Variants in CADM2 observed in about 807,000 individuals in gnomAD.
CADM2 encodes the protein cell adhesion molecule 2.
Under a neutral mutation model 49.8 loss-of-function variants are expected in CADM2, and 12 were observed. The ratio of observed to expected loss-of-function variants is 0.24; its 90% CI spans 0.15 to 0.39. The LOEUF (loss-of-function observed/expected upper bound fraction) is 0.39, where lower values mean the gene tolerates loss of function less well. Ranked by LOEUF, CADM2 falls within the 10% of genes least tolerant of loss-of-function variation. The pLI, the probability that CADM2 is intolerant of heterozygous loss-of-function variation, is 1.00. For missense variants in CADM2, 378 were observed against 492.3 expected (o/e 0.77, Z 2.20); for synonymous variants, 214 against 175.4 (o/e 1.22, Z -1.74).
intron 1 of CADM2, among the ~76,000 whole-genome samples, chr3:85,170,459 C>A (rs920839962): frequency 6.6e-6 from 1 of 151,766 alleles, no homozygotes; most frequent in African/African-American, 2.4e-5. Context: ...CTGCCTCAAT[C>A]TCCTGAGTAG....
At chr3:85,651,978 C>T (rs866832147) in intron 1 of CADM2, among the ~76,000 whole-genome samples, 155 of 36,272 alleles carry the variant, frequency 4.3e-3, no homozygotes, top group Middle Eastern at 0.029. Context: ...CCACCACGCC[C>T]GGCTACTTTT....
chr3:85,376,594 G>A (rs1224195127), intron 1 of CADM2, among the ~76,000 whole-genome samples: 4 of 152,018 alleles, frequency 2.6e-5, no homozygotes, highest in Non-Finnish European at 2.9e-5. Context: ...ATAAGCATGT[G>A]TATTCTGAAA....
rs143612234 is a variant in CADM2, at chr3:85,329,719, G to A, written c.61+370051G>A. The stretch of plus-strand genomic sequence containing the variant: ...AATATGATATGCTGAAGTATAATTC[G>A]TTATTTTAAACATATATAACATATG... On this transcript the variant is annotated intron_variant, in intron 1 of 9. Transcript: ENST00000383699. 4.1e-4 allele frequency among the ~76,000 whole-genome samples: 62 copies of A among 152,032 alleles called. No individual in the cohort carries two copies. In the East Asian group the frequency reaches 6.2e-3, roughly 15 times the overall value.
At chr3:85,428,601 T>C (rs1185565958) in intron 1 of CADM2, among the ~76,000 whole-genome samples, 1 of 145,796 alleles carries the variant, frequency 6.9e-6, no homozygotes, top group East Asian at 2.0e-4. Context: ...ATAATATTTA[T>C]TATATAAAAT....
Position 85,699,999 on chromosome 3 carries a change from G to T in CADM2, c.62-26523G>T, listed in dbSNP as rs532065411. ...CCCATTACTGGCTATATACCCAAAG[G>T]ATTATAAATCAATCTACTATAAAGA... On this transcript the variant is annotated intron_variant, in intron 1 of 9. Transcript: ENST00000383699. 5.9e-5 allele frequency among the ~76,000 whole-genome samples: 9 copies of T among 152,188 alleles called. No individual in the cohort carries two copies. The South Asian group carries it at 1.9e-3, about 32-fold the overall frequency.
intron 1 of CADM2, among the ~76,000 whole-genome samples, chr3:85,685,781 C>G (rs1023857760): frequency 6.6e-6 from 1 of 151,800 alleles, no homozygotes; most frequent in Non-Finnish European, 1.5e-5. Context: ...CGTGCCACCA[C>G]GCCTGGCTAA....
chr3:85,805,076 G>A (rs2072320197), intron 3 of CADM2, among the ~76,000 whole-genome samples: 1 of 152,038 alleles, frequency 6.6e-6, no homozygotes, highest in Non-Finnish European at 1.5e-5. Flanking sequence ...GATTAGCTGG[G>A]AGTACAGGCA....
intron 3 of CADM2, among the ~76,000 whole-genome samples, chr3:85,833,261 A>G (rs1577429215): frequency 6.6e-6 from 1 of 150,602 alleles, no homozygotes; most frequent in East Asian, 2.0e-4. Flanking sequence ...CATCAGGGAT[A>G]TTAGCCTGCA....
intron 1 of CADM2, among the ~76,000 whole-genome samples, chr3:85,544,034 A>G (rs922004759): frequency 6.6e-6 from 1 of 152,230 alleles, no homozygotes; most frequent in African/African-American, 2.4e-5. Context: ...ATTAGAAAGC[A>G]ACTGTAACAT....
chr3:85,701,923 GA>G (rs2066775786), intron 1 of CADM2, among the ~76,000 whole-genome samples: 1 of 150,016 alleles, frequency 6.7e-6, no homozygotes. Flanking sequence ...AAAGAAAAAG[GA>G]AGAAAGAAAA....
At chr3:85,068,784 T>C (rs2036614515) in intron 1 of CADM2, among the ~76,000 whole-genome samples, 1 of 152,024 alleles carries the variant, frequency 6.6e-6, no homozygotes, top group Non-Finnish European at 1.5e-5. Flanking sequence ...TTATTTAATT[T>C]TTTTTTTGCT....
rs1553668835 is a variant in CADM2 at position 85,013,154 on chromosome 3, A to AAAAC, written c.61+53489_61+53490insCAAA. Among the ~76,000 whole-genome samples the AAAAC allele has an allele frequency of 3.4e-3, 521 of 151,906 alleles. 5 individuals are homozygous for AAAAC. The highest frequency in any genetic ancestry group is 0.012 in the African/African-American group (490 of 41,488). The stretch of plus-strand genomic sequence containing the variant: ...TTGCACTGGAAATTAAAAAAAAAAA[A>AAAAC]AAAATACCAAATTATGGAGAAGGAA... On this transcript the variant is annotated intron_variant, in intron 1 of 9. Coordinates refer to ENST00000383699, the MANE Select transcript of CADM2 (RefSeq NM_001167675.2).
chr3:85,458,799 A>G (rs1202102212), intron 1 of CADM2, among the ~76,000 whole-genome samples: 1 of 152,168 alleles, frequency 6.6e-6, no homozygotes, highest in African/African-American at 2.4e-5. Context: ...AAAATCAAAG[A>G]AACTTTCACT....
intron 7 of CADM2, among the ~76,000 whole-genome samples, chr3:85,943,689 AC>A (rs1722267291): frequency 6.6e-6 from 1 of 151,898 alleles, no homozygotes; most frequent in Non-Finnish European, 1.5e-5. Context: ...TGGTACTGGT[AC>A]CAAAACAGAG....
At chr3:85,603,014 C>T (rs1480712124) in intron 1 of CADM2, among the ~76,000 whole-genome samples, 2 of 151,770 alleles carry the variant, frequency 1.3e-5, no homozygotes, top group Non-Finnish European at 2.9e-5. Flanking sequence ...CCTATGTACA[C>T]CAGGTTATAG....
intron 1 of CADM2, among the ~76,000 whole-genome samples, chr3:85,354,643 A>AGAGAGAGAGAGAGAG (rs71108278): frequency 1.5e-4 from 22 of 149,204 alleles, no homozygotes; most frequent in South Asian, 1.1e-3. Flanking sequence ...AGAGAGAGAG[A>AGAGAGAGAGAGAGAG]AGCCTATTCT....
chr3:85,522,726 T>A (rs1356563777), intron 1 of CADM2, among the ~76,000 whole-genome samples: 1 of 151,900 alleles, frequency 6.6e-6, no homozygotes, highest in Non-Finnish European at 1.5e-5. Context: ...AGATACTCAT[T>A]TACTGACTCT....
intron 8 of CADM2, among the ~76,000 whole-genome samples, chr3:86,033,444 G>A (rs2107169757): frequency 6.6e-6 from 1 of 151,812 alleles, no homozygotes; most frequent in East Asian, 1.9e-4. Context: ...GGATGATCCA[G>A]GAAGACATTT....
At position 85,912,395 on chromosome 3, in the gene CADM2, G is replaced by A. The variant is rs747157258; in HGVS notation, c.552G>A (p.Glu184=). The part of the protein sequence containing the change: ...EIKDVKYLKE[E]DANRKTFTVS... ...CAGATGTAAAATATTTAAAAGAAGAGGATGCAAATCGCAAGACATTCACTG... is the reference window on the plus strand; with the variant it reads ...CAGATGTAAAATATTTAAAAGAAGAAGATGCAAATCGCAAGACATTCACTG... Residue 184 remains glutamate (E), a synonymous_variant, in exon 6 of 10, where the codon GAG becomes GAA. Coordinates refer to ENST00000383699, the MANE Select transcript of CADM2 (RefSeq NM_001167675.2). The A allele has an allele frequency of 3.7e-6, 6 of 1,609,074 alleles. No homozygotes were observed. Among genetic ancestry groups the A allele is most frequent in the Admixed American group, 1.7e-5 (1 of 59,102 alleles).
Sources: gnomAD v4.1 joint callset for allele counts (sites outside exome capture counted in the v4.1 genomes callset) on GRCh38, gnomAD v4.1.1 for gene constraint, MANE v1.5 for transcripts, NCBI Gene and HGNC (gene_info 2026-07-23, HGNC 2026-07-21) for gene names.